Variants in CNTNAP5 observed in about 807,000 individuals in gnomAD.
The protein encoded by CNTNAP5 is contactin-associated protein-like 5.
In CNTNAP5, 72 loss-of-function variants were observed where a neutral mutation model predicts 150.2. That is an observed-to-expected ratio of 0.48 (90% CI 0.40 to 0.58). The LOEUF is 0.58. Ranked by LOEUF, CNTNAP5 falls within the 20% of genes least tolerant of loss-of-function variation. The pLI is 0.00. For synonymous variants in CNTNAP5, 672 were observed against 619.8 expected, an observed-to-expected ratio of 1.08 and a Z score of -1.25; for missense variants, 1,636 against 1,626.2, an observed-to-expected ratio of 1.01 and a Z score of -0.10.
chr2:124,542,112 A>C (rs893882193), intron 10 of CNTNAP5, among the ~76,000 whole-genome samples: 2 of 151,872 alleles, frequency 1.3e-5, no homozygotes, highest in Admixed American at 1.3e-4. Context: ...CAGATTCTGT[A>C]TGTGCATTTC....
chr2:124,719,768 G>A (rs996451979), intron 13 of CNTNAP5, among the ~76,000 whole-genome samples: 1 of 152,008 alleles, frequency 6.6e-6, no homozygotes, highest in Admixed American at 6.6e-5. Context: ...CTTTATAAGA[G>A]GAATTTTAAG....
At chr2:124,736,452 T>C (rs1205376814) in intron 13 of CNTNAP5, among the ~76,000 whole-genome samples, 3 of 152,210 alleles carry the variant, frequency 2.0e-5, no homozygotes, top group Non-Finnish European at 4.4e-5. Flanking sequence ...GATTCATAAG[T>C]GTTTTGCCTT....
chr2:124,302,689 T>A (rs1435403933), intron 3 of CNTNAP5, among the ~76,000 whole-genome samples: 1 of 152,136 alleles, frequency 6.6e-6, no homozygotes, highest in African/African-American at 2.4e-5. Flanking sequence ...GCACTGGGGA[T>A]TAGGTTTCCA....
chr2:124,172,505 G>A (rs920391635), intron 1 of CNTNAP5, among the ~76,000 whole-genome samples: 7 of 152,050 alleles, frequency 4.6e-5, no homozygotes, highest in Non-Finnish European at 1.0e-4. Flanking sequence ...CTCTGACCCC[G>A]GGGATCAAGG....
intron 3 of CNTNAP5, 40 bp from the exon 4 acceptor site, chr2:124,417,403 G>T (rs1691947481): frequency 6.3e-7 from 1 of 1,594,318 alleles, no homozygotes; most frequent in Non-Finnish European, 8.6e-7. Flanking sequence ...GAAATTCCAT[G>T]ATAGCACAGA....
At position 124,864,337 on chromosome 2, in the gene CNTNAP5, C is replaced by T. The variant is rs371765327; in HGVS notation, c.3218-969C>T. Among the ~76,000 whole-genome samples the T allele has an allele frequency of 2.8e-4, 43 of 152,220 alleles. 1 individual carries two copies. Among genetic ancestry groups the T allele is most frequent in the Middle Eastern group, 3.4e-3 (1 of 294 alleles). On this transcript the variant is annotated intron_variant, in intron 19 of 23. Coordinates refer to ENST00000682447, the MANE Select transcript of CNTNAP5 (RefSeq NM_001367498.1). ...TAGTTAGCACAACCATTATCTCACA[C>T]ATTTATCACTTGTTTTGGAAACATT...
intron 3 of CNTNAP5, among the ~76,000 whole-genome samples, chr2:124,264,842 C>G (rs114791315): frequency 8.6e-4 from 131 of 152,280 alleles, no homozygotes; most frequent in African/African-American, 3.0e-3. Flanking sequence ...TGCTACTATG[C>G]GTGTCTACTT....
At chr2:124,063,525 G>T (rs1162861549) in intron 1 of CNTNAP5, among the ~76,000 whole-genome samples, 1 of 152,138 alleles carries the variant, frequency 6.6e-6, no homozygotes, top group Non-Finnish European at 1.5e-5. Context: ...TTTAGAAGGA[G>T]AAGTTTAAGG....
chr2:124,444,567 C>T (rs1415480690), intron 5 of CNTNAP5, among the ~76,000 whole-genome samples: 2 of 152,086 alleles, frequency 1.3e-5, no homozygotes, highest in African/African-American at 2.4e-5. Flanking sequence ...TGTACTCACT[C>T]CAGCCTGGGT....
At chr2:124,588,398 T>G (rs935896098) in intron 11 of CNTNAP5, among the ~76,000 whole-genome samples, 1 of 152,050 alleles carries the variant, frequency 6.6e-6, no homozygotes. Flanking sequence ...ATAATTTGCA[T>G]GCCTATCTTG....
intron 3 of CNTNAP5, among the ~76,000 whole-genome samples, chr2:124,285,938 T>A (rs1019728428): frequency 1.3e-5 from 2 of 152,216 alleles, no homozygotes; most frequent in African/African-American, 4.8e-5. Context: ...GTGAGTTTAG[T>A]CTCTATTAAG....
chr2:124,911,430 G>A, intron 22 of CNTNAP5, 37 bp from the exon 23 acceptor site: 1 of 1,500,654 alleles, frequency 6.7e-7, no homozygotes, highest in Non-Finnish European at 9.1e-7. Context: ...AGTGCTTTGA[G>A]TGAGAAGTAA....
At chr2:124,066,567 C>T (rs1682162790) in intron 1 of CNTNAP5, among the ~76,000 whole-genome samples, 1 of 152,022 alleles carries the variant, frequency 6.6e-6, no homozygotes, top group African/African-American at 2.4e-5. Context: ...TGTGAAGACC[C>T]CACCTGGTCA....
chr2:124,082,026 T>C (rs1682569440), intron 1 of CNTNAP5, among the ~76,000 whole-genome samples: 2 of 152,132 alleles, frequency 1.3e-5, no homozygotes. Context: ...CATCCTGTAA[T>C]TTTTGTCCTA....
intron 1 of CNTNAP5, among the ~76,000 whole-genome samples, chr2:124,173,843 A>G (rs1021568744): frequency 6.6e-6 from 1 of 152,222 alleles, no homozygotes; most frequent in African/African-American, 2.4e-5. Context: ...AATGTGATCT[A>G]GGACTTTCAT....
chr2:124,308,353 A>G (rs897706034), intron 3 of CNTNAP5, among the ~76,000 whole-genome samples: 1 of 152,090 alleles, frequency 6.6e-6, no homozygotes, highest in Non-Finnish European at 1.5e-5. Flanking sequence ...ATGATTCTTT[A>G]TTACCTGCTC....
chr2:124,163,360 AT>A (rs1174438673), intron 1 of CNTNAP5, among the ~76,000 whole-genome samples: 1 of 152,138 alleles, frequency 6.6e-6, no homozygotes, highest in African/African-American at 2.4e-5. Flanking sequence ...TTTATATCAA[AT>A]TGTCATCATA....
At chr2:124,442,511 CA>C (rs1440986997) in intron 5 of CNTNAP5, among the ~76,000 whole-genome samples, 1 of 152,120 alleles carries the variant, frequency 6.6e-6, no homozygotes, top group Non-Finnish European at 1.5e-5. Flanking sequence ...GTAGCCATCT[CA>C]AAACATAAAG....
At chr2:124,375,653 G>A (rs1690628667) in intron 3 of CNTNAP5, among the ~76,000 whole-genome samples, 1 of 152,066 alleles carries the variant, frequency 6.6e-6, no homozygotes. Context: ...TATGACATCA[G>A]TGTAATTTCC....
Sources: allele counts gnomAD v4.1 joint callset (sites outside exome capture counted in the v4.1 genomes callset), GRCh38; gene constraint gnomAD v4.1.1; transcripts MANE v1.5; gene names NCBI Gene and HGNC (gene_info 2026-07-23, HGNC 2026-07-21).